Variants in TMEM268 observed in about 807,000 individuals in gnomAD.
TMEM268 encodes transmembrane protein 268, also known as transmembrane protein C9orf91.
TMEM268 carries 24 observed loss-of-function variants against 39.1 expected under a neutral mutation model. The observed-to-expected ratio is 0.61, with a 90% CI of 0.44 to 0.86. The LOEUF is 0.86. Among genes scored for constraint, TMEM268 ranks in the 40% least tolerant of loss-of-function variants. The pLI is 0.00. For missense variants in TMEM268, 409 were observed against 428.6 expected, an observed-to-expected ratio of 0.95 and a Z score of 0.40; for synonymous variants, 176 against 173.5, an observed-to-expected ratio of 1.01 and a Z score of -0.12.
intron 3 of TMEM268, among the ~76,000 whole-genome samples, chr9:114,625,484 G>A (rs922799169): frequency 7.3e-6 from 1 of 136,994 alleles, no homozygotes; most frequent in Admixed American, 7.8e-5. Context: ...TTGCTCTGTT[G>A]CCCAGGCTGG....
At chr9:114,610,891 C>G (rs890203761), upstream of TMEM268, among the ~76,000 whole-genome samples, 3 of 152,198 alleles carry the variant, frequency 2.0e-5, no homozygotes, top group African/African-American at 7.2e-5. Context: ...CAAACCAATG[C>G]TCTTAACAAT....
chr9:114,609,894 T>C (rs1845434022), upstream of TMEM268, among the ~76,000 whole-genome samples: 2 of 152,150 alleles, frequency 1.3e-5, no homozygotes, highest in African/African-American at 4.8e-5. Flanking sequence ...GTGGCATGTT[T>C]GCGTGTATGC....
At chr9:114,633,717 G>C in intron 5 of TMEM268, 51 bp from the exon 6 acceptor site, 1 of 976,106 alleles carries the variant, frequency 1.0e-6, no homozygotes, top group Non-Finnish European at 1.5e-6. Flanking sequence ...GAGCCTGGGA[G>C]CTCCCCAGTA....
chr9:114,625,741 C>A (rs1285151708), intron 3 of TMEM268, among the ~76,000 whole-genome samples: 2 of 151,846 alleles, frequency 1.3e-5, no homozygotes, highest in African/African-American at 4.8e-5. Context: ...CCACGCCTGG[C>A]AGATTGGGTT....
At chr9:114,618,824 A>G (rs989375707) in intron 2 of TMEM268, among the ~76,000 whole-genome samples, 1 of 152,198 alleles carries the variant, frequency 6.6e-6, no homozygotes, top group African/African-American at 2.4e-5. Flanking sequence ...ATAATTATGT[A>G]TAAAGTGTTG....
At chr9:114,634,674 A>G (rs1198104427) in intron 6 of TMEM268, among the ~76,000 whole-genome samples, 2 of 152,188 alleles carry the variant, frequency 1.3e-5, no homozygotes, top group Non-Finnish European at 2.9e-5. Flanking sequence ...GCCCAGAGGT[A>G]GGTGTGCACG....
chr9:114,629,602 T>G (rs1846304037), intron 5 of TMEM268, among the ~76,000 whole-genome samples: 1 of 152,188 alleles, frequency 6.6e-6, no homozygotes, highest in Non-Finnish European at 1.5e-5. Context: ...TTGCACTGGT[T>G]TTGGCGAATA....
intron 5 of TMEM268, among the ~76,000 whole-genome samples, chr9:114,631,433 C>T (rs959387783): frequency 1.1e-4 from 17 of 152,172 alleles, no homozygotes; most frequent in African/African-American, 3.9e-4. Flanking sequence ...AGTTCACTGT[C>T]ATCCTCACTG....
intron 7 of TMEM268, 77 bp from the exon 8 acceptor site, chr9:114,638,467 A>G: frequency 8.7e-7 from 1 of 1,142,872 alleles, no homozygotes; most frequent in Non-Finnish European, 1.2e-6. Context: ...CTCGGTCTGC[A>G]GCTTGGGGAG....
chr9:114,614,566 C>A (rs570908861), intron 1 of TMEM268, among the ~76,000 whole-genome samples: 1 of 152,230 alleles, frequency 6.6e-6, no homozygotes, highest in African/African-American at 2.4e-5. Flanking sequence ...CCTGTTCCCC[C>A]TCTAGGGGGC....
Position 114,615,144 on chromosome 9 carries a change from G to A in TMEM268, c.-78-1974G>A, listed in dbSNP as rs375166547. ...ACTCCTGACCTCAAGTGATCCGCCC[G>A]CCTCAGCCTCCCAAAGTGCTGGGAT... On this transcript the variant is annotated intron_variant, in intron 1 of 8. Coordinates refer to ENST00000288502, the MANE Select transcript of TMEM268 (RefSeq NM_153045.4). Among the ~76,000 whole-genome samples the A allele has an allele frequency of 7.2e-5, 11 of 152,192 alleles. No individual in the cohort carries two copies. The East Asian group carries it at 1.2e-3, about 16-fold the overall frequency.
chr9:114,642,623 A>C (rs1439459629), intron 8 of TMEM268, among the ~76,000 whole-genome samples: 1 of 151,508 alleles, frequency 6.6e-6, no homozygotes, highest in African/African-American at 2.4e-5. Context: ...CTTTCTTTTT[A>C]TATTTTTAAA....
intron 8 of TMEM268, among the ~76,000 whole-genome samples, chr9:114,642,375 T>C (rs1167288341): frequency 1.3e-5 from 2 of 152,092 alleles, no homozygotes; most frequent in Non-Finnish European, 2.9e-5. Flanking sequence ...TTTTTTACTG[T>C]CAGTGATCAT....
chr9:114,623,134 C>T (rs1472485517), intron 2 of TMEM268, among the ~76,000 whole-genome samples: 2 of 152,232 alleles, frequency 1.3e-5, no homozygotes, highest in South Asian at 4.1e-4. Flanking sequence ...GCCAAACCAA[C>T]CACAGATTTG....
At position 114,646,268 on chromosome 9, in the gene TMEM268, C is replaced by T. The variant is rs1827564212; in HGVS notation, c.*2955C>T. On this transcript the variant is annotated 3_prime_UTR_variant, in exon 9 of 9. Transcript: ENST00000288502. ...CTTCCACTTAAAAACAATGTTCTTC[C>T]TCTCATTGAGTCTCATTCCTCATCT... is the stretch of plus-strand genomic sequence containing the variant. 1 of 152,164 alleles carries T rather than the reference C, an allele frequency of 6.6e-6. No individual in the cohort carries two copies. The highest frequency in any genetic ancestry group is 2.1e-4 in the South Asian group (1 of 4,828). The allele number at this position is 152,164 out of a possible 1,614,324, so 9.4% of individuals were successfully genotyped here. A position where few individuals can be genotyped will look rare whatever the true frequency, so the allele number is the denominator to read the frequency against.
chr9:114,625,505 C>G (rs150337975), intron 3 of TMEM268, among the ~76,000 whole-genome samples: 1 of 141,730 alleles, frequency 7.1e-6, no homozygotes, highest in African/African-American at 2.6e-5. Flanking sequence ...AGTGCAGTGG[C>G]GCAATCTGGG....
chr9:114,642,347 TTA>T (rs997380442), intron 8 of TMEM268, among the ~76,000 whole-genome samples: 1 of 149,114 alleles, frequency 6.7e-6, no homozygotes, highest in African/African-American at 2.4e-5. Context: ...TTTCCCTTTT[TTA>T]TGTTTTTCTT....
upstream of TMEM268, among the ~76,000 whole-genome samples, chr9:114,609,789 G>A (rs1845427358): frequency 6.6e-6 from 1 of 150,610 alleles, no homozygotes; most frequent in Non-Finnish European, 1.5e-5. Context: ...AACAAAGAGA[G>A]AAAGAAATGA....
chr9:114,620,370 G>A lies in TMEM268; in HGVS notation c.106+3069G>A, dbSNP rs534536243. ...GGTGATCCTCCTACCCTAGTCTCCCGAGTAGCTGGGACGACAGGCACGTGC... is the reference window on the plus strand; with the variant it reads ...GGTGATCCTCCTACCCTAGTCTCCCAAGTAGCTGGGACGACAGGCACGTGC... On this transcript the variant is annotated intron_variant, in intron 2 of 8. Transcript: ENST00000288502. 1.6e-4 allele frequency among the ~76,000 whole-genome samples: 25 copies of A among 152,024 alleles called. No individual in the cohort carries two copies. The South Asian group carries it at 3.7e-3, about 23-fold the overall frequency.
Sources: allele counts gnomAD v4.1 joint callset (sites outside exome capture counted in the v4.1 genomes callset), GRCh38; gene constraint gnomAD v4.1.1; transcripts MANE v1.5; gene names NCBI Gene and HGNC (gene_info 2026-07-23, HGNC 2026-07-21).